Variants in LMBR1L observed in about 807,000 individuals in gnomAD.
LMBR1L encodes protein LMBR1L.
Under a neutral mutation model 67.3 loss-of-function variants are expected in LMBR1L, and 47 were observed. That is an observed-to-expected ratio of 0.70 (90% CI 0.55 to 0.89). LMBR1L has a LOEUF of 0.89. LMBR1L is among the 40% of genes least tolerant of loss of function. The pLI, the probability that LMBR1L is intolerant of heterozygous loss-of-function variation, is 0.00. For synonymous variants in LMBR1L, 247 were observed against 250.3 expected (o/e 0.99, Z 0.13); for missense variants, 533 against 599.2 (o/e 0.89, Z 1.15).
At position 49,110,592 on chromosome 12, in the gene LMBR1L, G is replaced by C. The variant is rs1941437942; in HGVS notation, c.-37C>G. ...CATGACTGAAGCCGAGGTGCCTCTG[G>C]GCCCGGGGAGGACGAGCGGGGAGGA... On this transcript the variant is annotated 5_prime_UTR_variant, in exon 1 of 17. Transcript: ENST00000267102. 3.1e-6 allele frequency: 5 copies of C among 1,593,528 alleles called. No homozygotes were observed. Among genetic ancestry groups the C allele is most frequent in the Non-Finnish European group, 4.3e-6 (5 of 1,161,712 alleles).
At chr12:49,102,430 C>T in intron 9 of LMBR1L, 38 bp downstream of exon 9, 1 of 1,613,834 alleles carries the variant, frequency 6.2e-7, no homozygotes, top group Non-Finnish European at 8.5e-7. Context: ...CTGCCCAGGC[C>T]AAGCCTACCA....
In LMBR1L at chr12:49,097,563, C is replaced by T; in HGVS notation, c.*109G>A. The stretch of plus-strand genomic sequence containing the variant: ...GATGGCTCTGCTCCCCTCTGCCACC[C>T]ACCCTCTCAGATTCCAGGTCCTGAG... On this transcript the variant is annotated 3_prime_UTR_variant, in exon 17 of 17. Transcript: ENST00000267102. The T allele has an allele frequency of 8.9e-7, 1 of 1,124,316 alleles. No individual in the cohort carries two copies. Among genetic ancestry groups the T allele is most frequent in the Admixed American group, 1.8e-5 (1 of 55,756 alleles). 69.6% of individuals were successfully genotyped at this position (1,124,316 alleles called of 1,614,324 possible). A position where few individuals can be genotyped will look rare whatever the true frequency, so the allele number is the denominator to read the frequency against.
At chr12:49,099,961 A>G (rs1262269590) in intron 15 of LMBR1L, among the ~76,000 whole-genome samples, 3 of 152,344 alleles carry the variant, frequency 2.0e-5, no homozygotes, top group South Asian at 2.1e-4. Context: ...CTGACACACC[A>G]GTGTATAGAG....
At chr12:49,103,658 T>A in intron 6 of LMBR1L, 29 bp downstream of exon 6, 1 of 1,596,606 alleles carries the variant, frequency 6.3e-7, no homozygotes, top group African/African-American at 1.3e-5. Context: ...TGAAAAGCCA[T>A]GCAGCCTGGA....
At chr12:49,106,174 C>T in intron 2 of LMBR1L, 1 of 564,734 alleles carries the variant, frequency 1.8e-6, no homozygotes, top group Non-Finnish European at 3.1e-6. Context: ...GAAGAGAATA[C>T]AGGCCAGACA....
intron 15 of LMBR1L, among the ~76,000 whole-genome samples, chr12:49,099,856 C>T (rs988249774): frequency 1.3e-5 from 2 of 152,238 alleles, no homozygotes; most frequent in African/African-American, 4.8e-5. Context: ...GCTGGGATTA[C>T]AGGCATGAGC....
intron 1 of LMBR1L, 103 bp downstream of exon 1, chr12:49,110,381 G>A (rs917836678): frequency 1.8e-5 from 21 of 1,144,148 alleles, no homozygotes; most frequent in African/African-American, 1.2e-4. Flanking sequence ...CCCGCCGCTG[G>A]CCCAGGCATG....
Position 49,102,143 on chromosome 12 carries a change from T to C in LMBR1L, c.907A>G (p.Met303Val), listed in dbSNP as rs764087385. The part of the protein sequence containing the change: ...WQRNLGYPLA[M>V]LCLLVLTGLS... ...ACCGTCAGCACCAGCAAGCACAGCA[T>C]AGCCAGGGGGTAGCCCAGGTTCCGT... Residue 303 changes from methionine (M) to valine (V), a missense_variant, in exon 11 of 17, where the codon ATG becomes GTG. Coordinates refer to ENST00000267102, the MANE Select transcript of LMBR1L (RefSeq NM_018113.4). 7 of 1,614,042 alleles carry C rather than the reference T, an allele frequency of 4.3e-6. No individual in the cohort carries two copies. The highest frequency in any genetic ancestry group is 1.3e-5 in the African/African-American group (1 of 74,914).
chr12:49,100,421 T>G lies in LMBR1L; in HGVS notation c.1207A>C (p.Ser403Arg). 1 of 1,613,990 alleles carries G rather than the reference T, an allele frequency of 6.2e-7. No individual in the cohort carries two copies. Among genetic ancestry groups the G allele is most frequent in the Non-Finnish European group, 8.5e-7 (1 of 1,179,834 alleles). ...IGNCVCLLVL[S>R]SALPVFSRTL... The stretch of plus-strand genomic sequence containing the variant: ...CGAGAGAAGACAGGAAGTGCTGAGC[T>G]TAGGACCAGGAGACAGACACAGTTC... The change falls in exon 15 of 17, where the codon AGC becomes CGC. Residue 403 changes from serine to arginine, a missense_variant. Coordinates refer to ENST00000267102, the MANE Select transcript of LMBR1L (RefSeq NM_018113.4).
At position 49,110,637 on chromosome 12, in the gene LMBR1L, C is replaced by T; in HGVS notation, c.-82G>A. The T allele has an allele frequency of 8.1e-7, 1 of 1,228,684 alleles. No individual in the cohort carries two copies. Among genetic ancestry groups the T allele is most frequent in the Non-Finnish European group, 1.2e-6 (1 of 833,184 alleles). 76.1% of individuals were successfully genotyped at this position (1,228,684 alleles called of 1,614,324 possible). A position where few individuals can be genotyped will look rare whatever the true frequency, so the allele number is the denominator to read the frequency against. ...GGAGGAAGCCGCCGCCGCCAAGCACCCAGACCCAGCCTAGGGGCCTTTCCT... is the reference window on the plus strand; with the variant it reads ...GGAGGAAGCCGCCGCCGCCAAGCACTCAGACCCAGCCTAGGGGCCTTTCCT... On this transcript the variant is annotated 5_prime_UTR_variant, in exon 1 of 17. Transcript: ENST00000267102.
chr12:49,103,788 G>C lies in LMBR1L; in HGVS notation c.461C>G (p.Thr154Arg), dbSNP rs753795211. The change falls in exon 6 of 17, where the codon ACA becomes AGA. Residue 154 changes from threonine to arginine, a missense_variant. Physicochemically the swap from Thr to Arg is moderately conservative, Grantham distance 71. This residue lies in a region of LMBR1L where 246 missense variants were observed against 249.0 expected (regional missense o/e 0.99). Transcript: ENST00000267102. ...AGTGAGGAGCATCAACATCACCACT[G>C]TCTCATAGACCCGGCCCAGGACACC... is the stretch of plus-strand genomic sequence containing the variant. ...RKGVLGRVYE[T>R]VVMLMLLTLL... The C allele has an allele frequency of 1.2e-6, 2 of 1,613,832 alleles. No individual in the cohort carries two copies. The highest frequency in any genetic ancestry group is 3.3e-5 in the Admixed American group (2 of 59,968).
At chr12:49,102,038 G>A (rs1215317374) in intron 11 of LMBR1L, 82 bp downstream of exon 11, 3 of 1,191,866 alleles carry the variant, frequency 2.5e-6, no homozygotes, top group African/African-American at 3.0e-5. Flanking sequence ...TGATAACCAG[G>A]TCCCTGCATT....
chr12:49,102,681 G>T, intron 8 of LMBR1L, 141 bp from the exon 9 acceptor site: 2 of 950,704 alleles, frequency 2.1e-6, no homozygotes, highest in Non-Finnish European at 3.2e-6. Context: ...CCGCAGCTTT[G>T]CTCAGTCCCT....
intron 13 of LMBR1L, chr12:49,100,968 A>G (rs1940097632): frequency 1.4e-5 from 8 of 582,810 alleles, no homozygotes; most frequent in Non-Finnish European, 2.0e-5. Flanking sequence ...AACTCAAGCA[A>G]TCTACCCGCC....
In LMBR1L at chr12:49,097,932, A is replaced by G. The variant is rs538465956; in HGVS notation, c.1402+12T>C. The stretch of plus-strand genomic sequence containing the variant: ...CCACCCCCCACTAGCCTGCACCCTC[A>G]CTCCCTCTCACCAAAGGCCCGGATC... On this transcript the variant is annotated intron_variant, in intron 16 of 16. Transcript: ENST00000267102. 46 of 1,606,134 alleles carry G rather than the reference A, an allele frequency of 2.9e-5. No individual in the cohort carries two copies. In the African/African-American group the frequency reaches 5.9e-4, roughly 21 times the overall value.
Position 49,102,341 on chromosome 12 carries a change from G to C in LMBR1L, c.805C>G (p.Leu269Val). 1 of 1,614,240 alleles carries C rather than the reference G, an allele frequency of 6.2e-7. No homozygotes were observed. Among genetic ancestry groups the C allele is most frequent in the South Asian group, 1.1e-5 (1 of 91,084 alleles). ...TSCWLPLDME[L>V]LHRQVLALQT... ...AGAGCCAGGACCTGTCTGTGTAGCA[G>C]CTCCATGTCTAAAGGCAGCCAGCAG... Residue 269 changes from leucine to valine, a missense_variant, in exon 10 of 17, where the codon CTG becomes GTG. By Grantham distance (32) the Leu-to-Val change is conservative. Transcript: ENST00000267102.
intron 2 of LMBR1L, chr12:49,106,602 G>A: frequency 7.5e-7 from 1 of 1,326,672 alleles, no homozygotes; most frequent in South Asian, 1.2e-5. Context: ...ACTAGGAGAG[G>A]AGATGACACA....
At chr12:49,101,979 G>T in intron 11 of LMBR1L, 141 bp downstream of exon 11, 1 of 686,516 alleles carries the variant, frequency 1.5e-6, no homozygotes, top group Non-Finnish European at 2.5e-6. Flanking sequence ...GCTCACCACA[G>T]GCAGGACATA....
At chr12:49,110,412 C>G in intron 1 of LMBR1L, 72 bp downstream of exon 1, 1 of 1,428,076 alleles carries the variant, frequency 7.0e-7, no homozygotes, top group East Asian at 2.3e-5. Context: ...ACTCTGAGAC[C>G]AGGTGGGCTC....
Sources: gnomAD v4.1 joint callset for allele counts (sites outside exome capture counted in the v4.1 genomes callset) on GRCh38, gnomAD v4.1.1 for gene constraint, gnomAD v4.1.1 regional missense constraint, MANE v1.5 for transcripts, NCBI Gene and HGNC (gene_info 2026-07-23, HGNC 2026-07-21) for gene names.